RABGAP1L: variants seen among roughly 807,000 people sequenced by gnomAD.
RABGAP1L encodes RAB GTPase activating protein 1 like.
Under a neutral mutation model 137.7 loss-of-function variants are expected in RABGAP1L, and 63 were observed. The observed-to-expected ratio is 0.46, with a 90% CI of 0.37 to 0.56. The LOEUF (loss-of-function observed/expected upper bound fraction) is 0.56, where lower values mean the gene tolerates loss of function less well. RABGAP1L is among the 20% of genes least tolerant of loss of function. RABGAP1L has a pLI of 0.00. For missense variants in RABGAP1L, 1,095 were observed against 1,244.0 expected (o/e 0.88, Z 1.80); for synonymous variants, 431 against 433.7 (o/e 0.99, Z 0.08).
At position 174,441,989 on chromosome 1, in the gene RABGAP1L, C is replaced by T. The variant is rs551466914; in HGVS notation, c.1710+47844C>T. ...TAGTATTTGTAGATTCAAATAGCTA[C>T]CAGTGATTATTTTTGGAAACAAACT... is the stretch of plus-strand genomic sequence containing the variant. On this transcript the variant is annotated intron_variant, in intron 13 of 25. Transcript: ENST00000681986. Among the ~76,000 whole-genome samples the T allele has an allele frequency of 2.0e-5, 3 of 151,700 alleles. No individual in the cohort carries two copies. In the East Asian group the frequency reaches 5.8e-4, roughly 29 times the overall value.
At chr1:174,705,205 G>T (rs1350198814) in intron 17 of RABGAP1L, 2 of 149,348 alleles carry the variant, frequency 1.3e-5, no homozygotes, top group Non-Finnish European at 3.0e-5. Flanking sequence ...TCCTAGAGTG[G>T]TATCTCTGCC....
At chr1:174,330,585 T>TAAAC (rs35691938) in intron 11 of RABGAP1L, among the ~76,000 whole-genome samples, 8,060 of 151,324 alleles carry the variant, frequency 0.053, 679 homozygotes, top group African/African-American at 0.18. Flanking sequence ...ACTCTGTCTT[T>TAAAC]AAACAAACAA....
At chr1:174,892,733 T>C (rs1404246409) in intron 19 of RABGAP1L, 13 of 206,202 alleles carry the variant, frequency 6.3e-5, no homozygotes, top group African/African-American at 2.7e-4. Flanking sequence ...GTTTTCTTTC[T>C]TTTTTTTTTT....
At chr1:174,823,683 G>T (rs373081827) in intron 19 of RABGAP1L, among the ~76,000 whole-genome samples, 3 of 152,294 alleles carry the variant, frequency 2.0e-5, no homozygotes, top group Admixed American at 1.3e-4. Flanking sequence ...ATAATTTATT[G>T]TGTACTTCAA....
At chr1:174,257,842 G>A (rs776927758) in intron 7 of RABGAP1L, among the ~76,000 whole-genome samples, 5 of 152,142 alleles carry the variant, frequency 3.3e-5, no homozygotes, top group Non-Finnish European at 5.9e-5. Context: ...GTATTATTGT[G>A]TACATGTTTT....
At chr1:174,844,238 A>G (rs1573465734) in intron 19 of RABGAP1L, among the ~76,000 whole-genome samples, 1 of 107,406 alleles carries the variant, frequency 9.3e-6, no homozygotes, top group East Asian at 2.7e-4. Flanking sequence ...ATTAGATCCC[A>G]TTTGTCAATT....
chr1:174,817,195 G>A (rs1355328392), intron 19 of RABGAP1L, among the ~76,000 whole-genome samples: 1 of 152,090 alleles, frequency 6.6e-6, no homozygotes, highest in Non-Finnish European at 1.5e-5. Context: ...AAATATGTTA[G>A]TTTATTTCAC....
chr1:174,952,467 C>T (rs558097124), intron 19 of RABGAP1L, among the ~76,000 whole-genome samples: 28 of 150,634 alleles, frequency 1.9e-4, no homozygotes, highest in African/African-American at 5.6e-4. Context: ...GCTGTGATTG[C>T]GCCACTGCAC....
At chr1:174,485,319 A>T (rs1431863198) in intron 13 of RABGAP1L, among the ~76,000 whole-genome samples, 1 of 152,068 alleles carries the variant, frequency 6.6e-6, no homozygotes, top group Non-Finnish European at 1.5e-5. Flanking sequence ...TTCCGATTTG[A>T]TGCTCTTTAT....
At chr1:174,887,106 C>T (rs964733318) in intron 19 of RABGAP1L, among the ~76,000 whole-genome samples, 5 of 152,104 alleles carry the variant, frequency 3.3e-5, no homozygotes, top group Non-Finnish European at 7.4e-5. Flanking sequence ...CGCCTGGCCT[C>T]ACGCTTTGGC....
In RABGAP1L at chr1:174,875,654, T is replaced by C. The variant is rs1652968357; in HGVS notation, c.2340+63694T>C. On this transcript the variant is annotated intron_variant, in intron 19 of 25. Transcript: ENST00000681986. ...TCTGAAATCTTCTGGTGCTGGTGAA[T>C]GCATGAAGAGGTTCACAGTATCTTT... 5 of 985,314 alleles carry C rather than the reference T, an allele frequency of 5.1e-6. No individual in the cohort carries two copies. In the African/African-American group the frequency reaches 8.7e-5, roughly 17 times the overall value. 61.0% of individuals were successfully genotyped at this position (985,314 alleles called of 1,614,324 possible). A position where few individuals can be genotyped will look rare whatever the true frequency, so the allele number is the denominator to read the frequency against.
At chr1:174,431,999 G>T (rs1283143908) in intron 13 of RABGAP1L, among the ~76,000 whole-genome samples, 1 of 152,036 alleles carries the variant, frequency 6.6e-6, no homozygotes. Flanking sequence ...GGATACACAT[G>T]CAGGTTTGTC....
intron 10 of RABGAP1L, among the ~76,000 whole-genome samples, chr1:174,296,371 C>G (rs1333217190): frequency 6.6e-6 from 1 of 152,156 alleles, no homozygotes; most frequent in Non-Finnish European, 1.5e-5. Flanking sequence ...ATAGATTTTA[C>G]TTTATTTTAT....
At chr1:174,796,974 T>C (rs1328604760) in intron 18 of RABGAP1L, among the ~76,000 whole-genome samples, 1 of 150,680 alleles carries the variant, frequency 6.6e-6, no homozygotes, top group African/African-American at 2.4e-5. Context: ...GCCACTGCAT[T>C]CCAGCCTGGG....
At chr1:174,926,411 T>C (rs1008516802) in intron 19 of RABGAP1L, among the ~76,000 whole-genome samples, 1 of 152,158 alleles carries the variant, frequency 6.6e-6, no homozygotes, top group African/African-American at 2.4e-5. Flanking sequence ...TCCCCATCCG[T>C]TTTATTTAAA....
chr1:174,957,784 T>A, intron 20 of RABGAP1L: 1 of 1,101,872 alleles, frequency 9.1e-7, no homozygotes, highest in Non-Finnish European at 1.4e-6. Context: ...ATTCCCTCTG[T>A]TCTTCCTTGA....
chr1:174,256,515 G>A (rs1248102323), intron 7 of RABGAP1L, among the ~76,000 whole-genome samples: 1 of 152,206 alleles, frequency 6.6e-6, no homozygotes, highest in Non-Finnish European at 1.5e-5. Flanking sequence ...GGGCGCGGTG[G>A]CTCACGCCTG....
intron 18 of RABGAP1L, among the ~76,000 whole-genome samples, chr1:174,764,448 C>G (rs1424350956): frequency 6.6e-6 from 1 of 152,166 alleles, no homozygotes; most frequent in Admixed American, 6.5e-5. Flanking sequence ...GTTGTAAGGC[C>G]TAAAATTAAA....
At chr1:174,975,860 T>C (rs944094498) in intron 21 of RABGAP1L, among the ~76,000 whole-genome samples, 1 of 152,198 alleles carries the variant, frequency 6.6e-6, no homozygotes, top group Non-Finnish European at 1.5e-5. Flanking sequence ...GTAAAATTAT[T>C]GTTGGTGTGT....
Sources: allele counts gnomAD v4.1 joint callset (sites outside exome capture counted in the v4.1 genomes callset), GRCh38; gene constraint gnomAD v4.1.1; transcripts MANE v1.5; gene names NCBI Gene and HGNC (gene_info 2026-07-23, HGNC 2026-07-21).